Variants in RAD51D observed in about 807,000 individuals in gnomAD.
The protein encoded by RAD51D is DNA repair protein RAD51 homolog 4.
A neutral mutation model predicts 44.1 loss-of-function variants in RAD51D; 38 were observed. The observed-to-expected ratio is 0.86, with a 90% CI of 0.67 to 1.13. The LOEUF (loss-of-function observed/expected upper bound fraction) is 1.13, where lower values mean the gene tolerates loss of function less well. Among genes scored for constraint, RAD51D ranks in the 50% most tolerant of loss-of-function variants. The probability of loss-of-function intolerance (pLI) is 0.00; values close to 1 mark genes in which losing one functional copy is unlikely to be tolerated. For synonymous variants in RAD51D, 141 were observed against 166.6 expected, an observed-to-expected ratio of 0.85 and a Z score of 1.18; for missense variants, 390 against 414.0, an observed-to-expected ratio of 0.94 and a Z score of 0.50.
rs930138059 is a variant in RAD51D, at chr17:35,095,174, G to C, written c.*5779C>G. On this transcript the variant is annotated 3_prime_UTR_variant, in exon 10 of 10. Coordinates refer to ENST00000345365, the MANE Select transcript of RAD51D (RefSeq NM_002878.4). Reference sequence around the variant, plus strand: ...AGCTTTGGTTGGAAGTTAGTTCTGAGTTAGTCCTTTGTTAAATTAAATTTG... The same window carrying C: ...AGCTTTGGTTGGAAGTTAGTTCTGACTTAGTCCTTTGTTAAATTAAATTTG... The C allele has an allele frequency of 6.6e-6, 1 of 152,168 alleles. No homozygotes were observed. Among genetic ancestry groups the C allele is most frequent in the Non-Finnish European group, 1.5e-5 (1 of 68,058 alleles). The allele number at this position is 152,168 out of a possible 1,614,324, so 9.4% of individuals were successfully genotyped here.
intron 5 of RAD51D, among the ~76,000 whole-genome samples, 190 bp downstream of exon 5, chr17:35,106,798 A>G (rs2091609779): frequency 6.6e-6 from 1 of 152,184 alleles, no homozygotes; most frequent in African/African-American, 2.4e-5. Flanking sequence ...TCCTGGAAGA[A>G]TCAGTGTGAG....
chr17:35,103,427 G>A lies in RAD51D; in HGVS notation c.667+27C>T. The A allele has an allele frequency of 6.2e-7, 1 of 1,612,118 alleles. No individual in the cohort carries two copies. The highest frequency in any genetic ancestry group is 8.5e-7 in the Non-Finnish European group (1 of 1,178,188). The stretch of plus-strand genomic sequence containing the variant: ...CTGGGAGGCGAGGTCACATTCCACT[G>A]GCCCCAGGCTCTGCCACATCACTCA... On this transcript the variant is annotated intron_variant, in intron 7 of 9. Transcript: ENST00000345365. This position sits in a 1 kb window ranked among gnomAD's most constrained non-coding sequence, Gnocchi z 4.1.
At chr17:35,110,998 G>A (rs976177147) in intron 3 of RAD51D, among the ~76,000 whole-genome samples, 1 of 151,962 alleles carries the variant, frequency 6.6e-6, no homozygotes, top group Non-Finnish European at 1.5e-5. Flanking sequence ...CCAGCTACCC[G>A]TGAGGTCGAG....
rs2091488829 is a variant in RAD51D, at chr17:35,096,842, C to G, written c.*4111G>C. The G allele has an allele frequency of 6.6e-6, 1 of 152,196 alleles. No homozygotes were observed. The highest frequency in any genetic ancestry group is 2.4e-5 in the African/African-American group (1 of 41,442). 9.4% of individuals were successfully genotyped at this position (152,196 alleles called of 1,614,324 possible). ...TGCCACTGCACTCCAGAGCAAGACT[C>G]TGTCTTGAAACATAAAAGAAATAAA... On this transcript the variant is annotated 3_prime_UTR_variant, in exon 10 of 10. Coordinates refer to ENST00000345365, the MANE Select transcript of RAD51D (RefSeq NM_002878.4).
intron 3 of RAD51D, among the ~76,000 whole-genome samples, chr17:35,111,387 G>A (rs939817901): frequency 5.4e-5 from 8 of 147,732 alleles, no homozygotes; most frequent in Non-Finnish European, 1.0e-4. Flanking sequence ...GAGAAACTCC[G>A]TCTAAAAAAA....
chr17:35,111,348 C>A (rs2091673372), intron 3 of RAD51D, among the ~76,000 whole-genome samples: 1 of 101,702 alleles, frequency 9.8e-6, no homozygotes, highest in African/African-American at 5.2e-5. Flanking sequence ...GAGCGAAACT[C>A]CATCTCAAAA....
intron 3 of RAD51D, among the ~76,000 whole-genome samples, chr17:35,116,187 C>T (rs991352015): frequency 1.7e-4 from 26 of 152,160 alleles, no homozygotes; most frequent in African/African-American, 6.3e-4. Context: ...ACATGTCTCC[C>T]ACTGTTCTAG....
In RAD51D at chr17:35,097,949, G is replaced by A. The variant is rs1018476865; in HGVS notation, c.*3004C>T. On this transcript the variant is annotated 3_prime_UTR_variant, in exon 10 of 10. Coordinates refer to ENST00000345365, the MANE Select transcript of RAD51D (RefSeq NM_002878.4). Reference sequence around the variant, plus strand: ...AAAAGGCACTTGGACAGGAGAGCCAGCCTAGCCCAAGTCCTACCAGGGGAC... The same window carrying A: ...AAAAGGCACTTGGACAGGAGAGCCAACCTAGCCCAAGTCCTACCAGGGGAC... 1 of 152,418 alleles carries A rather than the reference G, an allele frequency of 6.6e-6. No individual in the cohort carries two copies. Among genetic ancestry groups the A allele is most frequent in the Non-Finnish European group, 1.5e-5 (1 of 68,144 alleles). 9.4% of individuals were successfully genotyped at this position (152,418 alleles called of 1,614,324 possible).
intron 1 of RAD51D, 54 bp from the exon 2 acceptor site, chr17:35,119,226 C>T (rs2142478533): frequency 9.9e-6 from 15 of 1,517,882 alleles, no homozygotes; most frequent in Non-Finnish European, 1.4e-5. Context: ...GCCTCCCACA[C>T]TTGGTTTTTC....
rs587782063 is a variant in RAD51D at position 35,118,508 on chromosome 17, T to A, written c.256A>T (p.Ile86Phe). Residue 86 changes from isoleucine to phenylalanine, a missense_variant, in exon 3 of 10, where the codon ATT becomes TTT. Coordinates refer to ENST00000345365, the MANE Select transcript of RAD51D (RefSeq NM_002878.4). Reference protein sequence around the residue: ...KTSTAILSTGIGSLDKLLDAG... With the variant: ...KTSTAILSTGFGSLDKLLDAG... ...CCAAGTACACACACAAACCTGCCAATGCCAGTGGACAGGATGGCAGTGGAG... is the reference window on the plus strand; with the variant it reads ...CCAAGTACACACACAAACCTGCCAAAGCCAGTGGACAGGATGGCAGTGGAG... The A allele has an allele frequency of 3.7e-6, 6 of 1,613,558 alleles. No individual in the cohort carries two copies. The highest frequency in any genetic ancestry group is 5.1e-6 in the Non-Finnish European group (6 of 1,179,510).
At chr17:35,111,997 C>T (rs1014642295) in intron 3 of RAD51D, among the ~76,000 whole-genome samples, 6 of 152,258 alleles carry the variant, frequency 3.9e-5, no homozygotes, top group Non-Finnish European at 7.3e-5. Context: ...ACAGATTCTA[C>T]ACATGCTTTG....
At chr17:35,108,953 A>G (rs2091643802) in intron 3 of RAD51D, among the ~76,000 whole-genome samples, 1 of 144,304 alleles carries the variant, frequency 6.9e-6, no homozygotes. Flanking sequence ...TGCAACCTCC[A>G]CCTCCCAGGT....
rs1187652832 is a variant in RAD51D, at chr17:35,097,223, G to A, written c.*3730C>T. ...CAACCTCCATCTCCCAGGTTCAAGC[G>A]ATTCTCATGCCTCAGCCTCCCAAGT... On this transcript the variant is annotated 3_prime_UTR_variant, in exon 10 of 10. Coordinates refer to ENST00000345365, the MANE Select transcript of RAD51D (RefSeq NM_002878.4). 3 of 152,084 alleles carry A rather than the reference G, an allele frequency of 2.0e-5. No homozygotes were observed. Among genetic ancestry groups the A allele is most frequent in the Non-Finnish European group, 4.4e-5 (3 of 68,062 alleles). The allele number at this position is 152,084 out of a possible 1,614,324, so 9.4% of individuals were successfully genotyped here. A position where few individuals can be genotyped will look rare whatever the true frequency, so the allele number is the denominator to read the frequency against.
intron 6 of RAD51D, 74 bp downstream of exon 6, chr17:35,106,312 A>T (rs1181719530): frequency 8.2e-7 from 1 of 1,225,316 alleles, no homozygotes; most frequent in Non-Finnish European, 1.2e-6. Flanking sequence ...AACAGTCTGT[A>T]GTAGGACACC....
intron 3 of RAD51D, among the ~76,000 whole-genome samples, chr17:35,108,851 T>C (rs1223979024): frequency 6.8e-6 from 1 of 147,336 alleles, no homozygotes; most frequent in Non-Finnish European, 1.5e-5. Flanking sequence ...ACCTTTGTGA[T>C]TGGCTTTTTT....
intron 3 of RAD51D, among the ~76,000 whole-genome samples, chr17:35,114,227 G>A (rs1057028353): frequency 3.3e-5 from 5 of 151,998 alleles, no homozygotes; most frequent in African/African-American, 7.3e-5. Flanking sequence ...AGCCGAGATC[G>A]CGCCACTGCA....
At chr17:35,101,644 T>C (rs2091540194) in intron 8 of RAD51D, among the ~76,000 whole-genome samples, 1 of 152,146 alleles carries the variant, frequency 6.6e-6, no homozygotes. Flanking sequence ...CTTGAGCTCA[T>C]GCAGTCCGCC....
Position 35,107,257 on chromosome 17 carries a change from T to G in RAD51D, c.345+109A>C. 2.1e-6 allele frequency: 3 copies of G among 1,448,750 alleles called. No individual in the cohort carries two copies. In the South Asian group the frequency reaches 3.4e-5, roughly 17 times the overall value. 89.7% of individuals were successfully genotyped at this position (1,448,750 alleles called of 1,614,324 possible). The stretch of plus-strand genomic sequence containing the variant: ...CCCATTCCTTATTACCCATCTTCTC[T>G]CTGTTGGGCTCTGAACCCATTAGTA... On this transcript the variant is annotated intron_variant, in intron 4 of 9. Transcript: ENST00000345365.
At chr17:35,107,147 C>G (rs754567946) in intron 4 of RAD51D, 25 bp from the exon 5 acceptor site, 1 of 1,613,614 alleles carries the variant, frequency 6.2e-7, no homozygotes, top group South Asian at 1.1e-5. Flanking sequence ...ATTGGATGAA[C>G]TTGACACTTC....
Sources: gnomAD v4.1 joint callset for allele counts (sites outside exome capture counted in the v4.1 genomes callset) on GRCh38, gnomAD v4.1.1 for gene constraint, Gnocchi (gnomAD v3.1) non-coding constraint, MANE v1.5 for transcripts, NCBI Gene and HGNC (gene_info 2026-07-23, HGNC 2026-07-21) for gene names.